FGD3: variants seen among roughly 807,000 people sequenced by gnomAD.
FGD3 encodes the protein FYVE, RhoGEF and PH domain-containing protein 3.
Under a neutral mutation model 71.8 loss-of-function variants are expected in FGD3, and 45 were observed. The observed-to-expected ratio is 0.63, with a 90% CI of 0.49 to 0.80. FGD3 has a LOEUF of 0.80. Among genes scored for constraint, FGD3 ranks in the 30% least tolerant of loss-of-function variants. FGD3 has a pLI of 0.00. For synonymous variants in FGD3, 378 were observed against 392.8 expected, an observed-to-expected ratio of 0.96 and a Z score of 0.44; for missense variants, 844 against 951.5, an observed-to-expected ratio of 0.89 and a Z score of 1.49.
intron 3 of FGD3, among the ~76,000 whole-genome samples, chr9:93,001,456 G>T (rs1860855884): frequency 6.6e-6 from 1 of 152,108 alleles, no homozygotes; most frequent in Admixed American, 6.6e-5. Flanking sequence ...TGTCTACTGT[G>T]GTACTGGAGT....
intron 7 of FGD3, 141 bp downstream of exon 7, chr9:93,010,525 G>GAGACAA (rs2118734284): frequency 1.1e-6 from 1 of 888,136 alleles, no homozygotes; most frequent in Non-Finnish European, 1.6e-6. Flanking sequence ...GAAAGAGACA[G>GAGACAA]AGACAGAGGC....
chr9:93,006,893 A>AT (rs1349568362), intron 6 of FGD3, among the ~76,000 whole-genome samples: 4 of 149,162 alleles, frequency 2.7e-5, no homozygotes, highest in Non-Finnish European at 5.9e-5. Context: ...CGCCCAGCTA[A>AT]TTTTTTTGTA....
intron 3 of FGD3, among the ~76,000 whole-genome samples, chr9:92,987,363 C>T (rs1467957385): frequency 2.0e-5 from 3 of 149,198 alleles, no homozygotes; most frequent in Non-Finnish European, 3.0e-5. Flanking sequence ...ACCCAGGAGG[C>T]GGAGCTTGCA....
At chr9:92,962,720 C>T (rs1189552399) in intron 1 of FGD3, among the ~76,000 whole-genome samples, 1 of 152,158 alleles carries the variant, frequency 6.6e-6, no homozygotes, top group Non-Finnish European at 1.5e-5. Context: ...GCAGACAGAT[C>T]ACCTGAGGTC....
At chr9:92,977,904 AGACT>A (rs1316212202) in intron 3 of FGD3, among the ~76,000 whole-genome samples, 2 of 152,226 alleles carry the variant, frequency 1.3e-5, no homozygotes, top group East Asian at 3.8e-4. Context: ...AGAGATCAGA[AGACT>A]GACAGAATAG....
At chr9:92,967,106 C>T (rs1041452761) in intron 1 of FGD3, among the ~76,000 whole-genome samples, 3 of 151,858 alleles carry the variant, frequency 2.0e-5, no homozygotes, top group Non-Finnish European at 2.9e-5. Flanking sequence ...GGATTACAGG[C>T]GCCCACCACC....
intron 3 of FGD3, among the ~76,000 whole-genome samples, chr9:92,997,057 C>G (rs368847763): frequency 6.6e-6 from 1 of 152,126 alleles, no homozygotes; most frequent in East Asian, 1.9e-4. Context: ...GTTGATCTGT[C>G]TAATGTTGAC....
intron 3 of FGD3, among the ~76,000 whole-genome samples, chr9:92,997,168 G>A (rs997101442): frequency 6.6e-6 from 1 of 152,144 alleles, no homozygotes; most frequent in Non-Finnish European, 1.5e-5. Context: ...CCTGTATTGG[G>A]TGCATATATA....
intron 1 of FGD3, among the ~76,000 whole-genome samples, chr9:92,950,058 TCC>T (rs1858926423): frequency 2.0e-5 from 3 of 149,886 alleles, no homozygotes; most frequent in Admixed American, 6.6e-5. Context: ...CTTTTTCTCC[TCC>T]CTTCATCTGT....
At chr9:92,953,655 A>C (rs879931707) in intron 1 of FGD3, among the ~76,000 whole-genome samples, 1 of 152,226 alleles carries the variant, frequency 6.6e-6, no homozygotes, top group Non-Finnish European at 1.5e-5. Flanking sequence ...TCACAGTTCC[A>C]GATCTGGGCT....
rs1467276151 is a variant in FGD3 at position 93,018,427 on chromosome 9, G to A, written c.1355+212G>A. On this transcript the variant is annotated intron_variant, in intron 11 of 17. Coordinates refer to ENST00000375482, the MANE Select transcript of FGD3 (RefSeq NM_001083536.2). Reference sequence around the variant, plus strand: ...GCCAAGGAAGAAGCTTTAATTGGCCGAGGAGATGGGAACTCAGTCTCAAAT... The same window carrying A: ...GCCAAGGAAGAAGCTTTAATTGGCCAAGGAGATGGGAACTCAGTCTCAAAT... 3.9e-5 allele frequency among the ~76,000 whole-genome samples: 6 copies of A among 152,156 alleles called. No homozygotes were observed. In the East Asian group the frequency reaches 5.8e-4, roughly 15 times the overall value.
chr9:93,010,375 G>C lies in FGD3; in HGVS notation c.967G>C (p.Asp323His), dbSNP rs1467026922. 1 of 1,608,246 alleles carries C rather than the reference G, an allele frequency of 6.2e-7. No homozygotes were observed. The highest frequency in any genetic ancestry group is 2.2e-5 in the East Asian group (1 of 44,682). The change falls in exon 7 of 18, where the codon GAT becomes CAT. Residue 323 changes from aspartate (D) to histidine (H), a missense_variant. Coordinates refer to ENST00000375482, the MANE Select transcript of FGD3 (RefSeq NM_001083536.2). ...RLPQDAPDRK[D>H]AERSLELIST... ...CCCGCAGGACGCCCCAGACCGGAAGGATGCGGAGAGTGAGCTGGGGCCAAG... is the reference window on the plus strand; with the variant it reads ...CCCGCAGGACGCCCCAGACCGGAAGCATGCGGAGAGTGAGCTGGGGCCAAG...
chr9:92,981,394 G>A (rs867785429), intron 3 of FGD3, among the ~76,000 whole-genome samples: 118 of 148,308 alleles, frequency 8.0e-4, no homozygotes, highest in Middle Eastern at 3.5e-3. Flanking sequence ...AGAAAAAAAA[G>A]AAAGAAAAAG....
At chr9:92,977,935 A>G (rs778156727) in intron 3 of FGD3, among the ~76,000 whole-genome samples, 1 of 152,218 alleles carries the variant, frequency 6.6e-6, no homozygotes, top group African/African-American at 2.4e-5. Context: ...TGGCAATAAG[A>G]TACCAAATTA....
At chr9:92,998,348 G>T (rs1424531299) in intron 3 of FGD3, among the ~76,000 whole-genome samples, 1 of 152,100 alleles carries the variant, frequency 6.6e-6, no homozygotes, top group African/African-American at 2.4e-5. Context: ...CTCTACACTG[G>T]TTATTCTAGT....
At chr9:93,004,560 G>C (rs2118702814) in intron 5 of FGD3, among the ~76,000 whole-genome samples, 1 of 152,246 alleles carries the variant, frequency 6.6e-6, no homozygotes, top group East Asian at 1.9e-4. Context: ...CCTGTGGCCT[G>C]TCCCTCTGTC....
At chr9:92,999,136 C>A (rs1174468587) in intron 3 of FGD3, among the ~76,000 whole-genome samples, 1 of 152,154 alleles carries the variant, frequency 6.6e-6, no homozygotes, top group African/African-American at 2.4e-5. Context: ...TCGAGTTTCC[C>A]GGCGGCTTTG....
At chr9:93,035,110 G>C (rs1046515665) in intron 17 of FGD3, among the ~76,000 whole-genome samples, 3 of 152,188 alleles carry the variant, frequency 2.0e-5, no homozygotes, top group Non-Finnish European at 4.4e-5. Flanking sequence ...GGTGGGCAAG[G>C]CATCCCCCTC....
intron 3 of FGD3, among the ~76,000 whole-genome samples, chr9:92,986,098 T>C (rs187933499): frequency 7.9e-5 from 12 of 152,206 alleles, no homozygotes; most frequent in Admixed American, 7.9e-4. Flanking sequence ...ATCCTTGGGG[T>C]TCTGGAATGA....
Sources: allele counts gnomAD v4.1 joint callset (sites outside exome capture counted in the v4.1 genomes callset), GRCh38; gene constraint gnomAD v4.1.1; transcripts MANE v1.5; gene names NCBI Gene and HGNC (gene_info 2026-07-23, HGNC 2026-07-21).